The following ATXN1 variants were observed in gnomAD, a reference collection of about 807,000 sequenced individuals.
The protein encoded by ATXN1 is ataxin 1.
A neutral mutation model predicts 56.4 loss-of-function variants in ATXN1; 8 were observed. The ratio of observed to expected loss-of-function variants is 0.14; its 90% CI spans 0.08 to 0.26. The LOEUF (loss-of-function observed/expected upper bound fraction) is 0.26. Ranked by LOEUF, ATXN1 falls within the 10% of genes least tolerant of loss-of-function variation. The probability of loss-of-function intolerance (pLI) is 1.00; values close to 1 mark genes in which losing one functional copy is unlikely to be tolerated. For missense variants in ATXN1, 987 were observed against 1,106.5 expected (o/e 0.89, Z 1.53); for synonymous variants, 514 against 494.6 (o/e 1.04, Z -0.52).
chr6:16,694,010 GT>G (rs1237494745), intron 2 of ATXN1, among the ~76,000 whole-genome samples: 1 of 152,152 alleles, frequency 6.6e-6, no homozygotes, highest in East Asian at 1.9e-4. Context: ...AAATACAAAA[GT>G]CAAAACTTGA....
chr6:16,504,457 AC>A (rs971726962), intron 5 of ATXN1, among the ~76,000 whole-genome samples: 54 of 152,160 alleles, frequency 3.5e-4, no homozygotes, highest in African/African-American at 1.2e-3. Flanking sequence ...TAGCACCCCC[AC>A]CCCCAGAAAC....
At chr6:16,710,216 A>C (rs2113452934) in intron 2 of ATXN1, among the ~76,000 whole-genome samples, 1 of 152,356 alleles carries the variant, frequency 6.6e-6, no homozygotes, top group Non-Finnish European at 1.5e-5. Context: ...ATTATATCGA[A>C]AAGCATAAAG....
At chr6:16,749,579 C>T (rs1760647604) in intron 2 of ATXN1, among the ~76,000 whole-genome samples, 1 of 152,166 alleles carries the variant, frequency 6.6e-6, no homozygotes, top group South Asian at 2.1e-4. Context: ...GGTGCCTGAG[C>T]TGCAGAAGAG....
At chr6:16,629,368 C>T (rs930917049) in intron 3 of ATXN1, among the ~76,000 whole-genome samples, 3 of 152,164 alleles carry the variant, frequency 2.0e-5, no homozygotes, top group Non-Finnish European at 4.4e-5. Context: ...TGCTCTGTCA[C>T]CCAGGCTGGA....
At position 16,503,297 on chromosome 6, in the gene ATXN1, C is replaced by T. The variant is rs187431585; in HGVS notation, c.-298-17188G>A. On this transcript the variant is annotated intron_variant, in intron 5 of 7. Transcript: ENST00000436367. ...CTACTGGAGAATGTGGTCTGACCTC[C>T]ACCGAGCTGAGGAGTCTGTACTCCT... Among the ~76,000 whole-genome samples, 426 of 152,282 alleles carry T rather than the reference C, an allele frequency of 2.8e-3. 2 individuals carry two copies. The highest frequency in any genetic ancestry group is 9.8e-3 in the African/African-American group (409 of 41,556).
chr6:16,606,721 G>A (rs564681418), intron 3 of ATXN1, among the ~76,000 whole-genome samples: 8 of 151,478 alleles, frequency 5.3e-5, no homozygotes, highest in East Asian at 3.9e-4. Context: ...GTAGAGATGG[G>A]GTTTCGCCGT....
At chr6:16,430,492 C>T (rs1016029862) in intron 6 of ATXN1, among the ~76,000 whole-genome samples, 124 of 152,148 alleles carry the variant, frequency 8.1e-4, no homozygotes, top group African/African-American at 2.8e-3. Flanking sequence ...GTTTTTGAAA[C>T]AAGGGCTTTG....
chr6:16,339,071 C>T (rs1170259390), intron 6 of ATXN1, among the ~76,000 whole-genome samples: 1 of 152,142 alleles, frequency 6.6e-6, no homozygotes, highest in Non-Finnish European at 1.5e-5. Context: ...ATTCCCAAGA[C>T]GCATGGTGGG....
At position 16,322,603 on chromosome 6, in the gene ATXN1, C is replaced by T. The variant is rs187357519; in HGVS notation, c.1917+3791G>A. ...CTCTGTGGGTGCAGTGTCAGCAGTG[C>T]CTAACCAGTTGAGAAGACCAGGAAG... On this transcript the variant is annotated intron_variant, in intron 7 of 7. Transcript: ENST00000436367. 5.8e-4 allele frequency among the ~76,000 whole-genome samples: 89 copies of T among 152,260 alleles called. 1 individual carries two copies. The highest frequency in any genetic ancestry group is 1.9e-3 in the African/African-American group (80 of 41,540).
chr6:16,584,243 T>TATATATATATATATATATAC (rs1403082306), intron 4 of ATXN1, among the ~76,000 whole-genome samples: 8 of 118,498 alleles, frequency 6.8e-5, no homozygotes, highest in Non-Finnish European at 6.9e-5. Flanking sequence ...TATATATATA[T>TATATATATATATATATATAC]ACACACACAC....
intron 6 of ATXN1, among the ~76,000 whole-genome samples, chr6:16,392,336 T>C (rs190317739): frequency 6.6e-6 from 1 of 152,206 alleles, no homozygotes; most frequent in Non-Finnish European, 1.5e-5. Flanking sequence ...CTTAACAATC[T>C]TTTAGACCTG....
chr6:16,630,576 C>G lies in ATXN1; in HGVS notation c.-489+27200G>C, dbSNP rs986256627. ...AAGAGAGCCTCCTGCAAGTCATCATCTGCTCAACTGTGAATCGGCATCTGA... is the reference window on the plus strand; with the variant it reads ...AAGAGAGCCTCCTGCAAGTCATCATGTGCTCAACTGTGAATCGGCATCTGA... On this transcript the variant is annotated intron_variant, in intron 3 of 7. Transcript: ENST00000436367. 2.0e-5 allele frequency among the ~76,000 whole-genome samples: 3 copies of G among 152,208 alleles called. No homozygotes were observed. In the East Asian group the frequency reaches 5.8e-4, roughly 29 times the overall value.
intron 5 of ATXN1, among the ~76,000 whole-genome samples, chr6:16,498,035 G>C (rs1459710296): frequency 6.6e-6 from 1 of 152,118 alleles, no homozygotes; most frequent in African/African-American, 2.4e-5. Flanking sequence ...TGTTTTTAAA[G>C]TGTGTAAGTC....
chr6:16,415,466 A>T (rs1758882869), intron 6 of ATXN1, among the ~76,000 whole-genome samples: 1 of 152,168 alleles, frequency 6.6e-6, no homozygotes, highest in Admixed American at 6.5e-5. Context: ...CTGACCTCAG[A>T]TGCTCCACCC....
intron 2 of ATXN1, among the ~76,000 whole-genome samples, chr6:16,749,336 A>G (rs607138): frequency 0.64 from 96,660 of 152,128 alleles, 31,264 homozygotes; most frequent in East Asian, 0.83. Context: ...TTGTTGTTAA[A>G]ACGTACAGGG....
chr6:16,486,233 C>T (rs1434054912), intron 5 of ATXN1, 124 bp from the exon 6 acceptor site: 1 of 152,196 alleles, frequency 6.6e-6, no homozygotes, highest in Non-Finnish European at 1.5e-5. Context: ...AGACCATTTT[C>T]TTAAAAAAGA....
intron 7 of ATXN1, among the ~76,000 whole-genome samples, chr6:16,316,742 G>A (rs1291832575): frequency 2.0e-5 from 3 of 150,888 alleles, no homozygotes; most frequent in Non-Finnish European, 2.9e-5. Flanking sequence ...GCAAGACTCC[G>A]TCTTAAAAAA....
chr6:16,704,239 TAC>T (rs1759356953), intron 2 of ATXN1, among the ~76,000 whole-genome samples: 1 of 152,176 alleles, frequency 6.6e-6, no homozygotes, highest in Non-Finnish European at 1.5e-5. Context: ...GCCTGCTAAG[TAC>T]AGTTTCCATT....
At chr6:16,597,825 A>G (rs1762842360) in intron 3 of ATXN1, among the ~76,000 whole-genome samples, 1 of 152,190 alleles carries the variant, frequency 6.6e-6, no homozygotes, top group South Asian at 2.1e-4. Flanking sequence ...GCATAGGCTA[A>G]AGTTTTATTA....
Sources: allele counts gnomAD v4.1 joint callset (sites outside exome capture counted in the v4.1 genomes callset), GRCh38; gene constraint gnomAD v4.1.1; transcripts MANE v1.5; gene names NCBI Gene and HGNC (gene_info 2026-07-23, HGNC 2026-07-21).